CCDC15: variants seen among roughly 807,000 people sequenced by gnomAD.
CCDC15 encodes the protein coiled-coil domain-containing protein 15.
Under a neutral mutation model 114.5 loss-of-function variants are expected in CCDC15, and 105 were observed. The ratio of observed to expected loss-of-function variants is 0.92; its 90% CI spans 0.78 to 1.08. The LOEUF is 1.08. Ranked by LOEUF, CCDC15 falls within the 50% of genes least tolerant of loss-of-function variation. The pLI is 0.00. For synonymous variants in CCDC15, 334 were observed against 377.8 expected (o/e 0.88, Z 1.34); for missense variants, 1,105 against 1,093.6 (o/e 1.01, Z -0.15).
Position 125,019,140 on chromosome 11 carries a change from G to A in CCDC15, c.2411+13928G>A, listed in dbSNP as rs546560810. 3.3e-5 allele frequency among the ~76,000 whole-genome samples: 5 copies of A among 152,098 alleles called. No homozygotes were observed. The South Asian group carries it at 1.0e-3, about 31-fold the overall frequency. ...GAGCTCAGTGGCATCATGGGGATAAGATGAAATGACTGTTAGGAGGTTGTT... is the reference window on the plus strand; with the variant it reads ...GAGCTCAGTGGCATCATGGGGATAAAATGAAATGACTGTTAGGAGGTTGTT... On this transcript the variant is annotated intron_variant, in intron 13 of 15. Coordinates refer to ENST00000344762, the MANE Select transcript of CCDC15 (RefSeq NM_025004.3).
rs146292043 is a variant in CCDC15 at position 124,986,667 on chromosome 11, CTGTG to C, written c.754-55_754-52del. On this transcript the variant is annotated intron_variant, in intron 6 of 15. Transcript: ENST00000344762. ...TTCTTCCTATAATAGCTACATGGTG[CTGTG>C]TGTGTGTGTGTGTGTGTGTTTGTGT... 8,942 of 1,063,456 alleles carry C rather than the reference CTGTG, an allele frequency of 8.4e-3. 1 individual carries two copies. Among genetic ancestry groups the C allele is most frequent in the Non-Finnish European group, 9.3e-3 (7,433 of 801,584 alleles). 65.9% of individuals were successfully genotyped at this position (1,063,456 alleles called of 1,614,324 possible).
intron 13 of CCDC15, among the ~76,000 whole-genome samples, chr11:125,023,511 A>G (rs1385179740): frequency 1.3e-5 from 2 of 152,160 alleles, no homozygotes; most frequent in African/African-American, 4.8e-5. Context: ...TCTCTCAGGA[A>G]AATATACAAG....
At chr11:124,968,067 G>A (rs1380546425) in intron 4 of CCDC15, among the ~76,000 whole-genome samples, 1 of 152,140 alleles carries the variant, frequency 6.6e-6, no homozygotes, top group Non-Finnish European at 1.5e-5. Context: ...GTGTCAGTCG[G>A]TCCCTACTGG....
intron 13 of CCDC15, among the ~76,000 whole-genome samples, chr11:125,031,242 A>G (rs1407196453): frequency 6.6e-6 from 1 of 152,230 alleles, no homozygotes; most frequent in East Asian, 1.9e-4. Context: ...TGATGCCTGC[A>G]TATCGTGCAG....
Position 124,992,633 on chromosome 11 carries a change from C to T in CCDC15, c.2085C>T (p.Asp695=), listed in dbSNP as rs574420267. The T allele has an allele frequency of 5.4e-5, 87 of 1,601,422 alleles. 1 individual carries two copies. The South Asian group carries it at 6.6e-4, about 12-fold the overall frequency. The change falls in exon 10 of 16, where the codon GAC becomes GAT. Residue 695 remains aspartate, a synonymous_variant. Coordinates refer to ENST00000344762, the MANE Select transcript of CCDC15 (RefSeq NM_025004.3). The part of the protein sequence containing the change: ...EERVREELPL[D]YHQYVVPKIQ... ...GAGTGAGAGAAGAATTGCCTCTGGACTATCATCAATATGTTGTACCTAAAA... is the reference window on the plus strand; with the variant it reads ...GAGTGAGAGAAGAATTGCCTCTGGATTATCATCAATATGTTGTACCTAAAA...
intron 13 of CCDC15, among the ~76,000 whole-genome samples, chr11:125,017,872 C>T (rs2135534118): frequency 6.6e-6 from 1 of 151,962 alleles, no homozygotes; most frequent in Non-Finnish European, 1.5e-5. Flanking sequence ...ATGGAAAAAG[C>T]ATATAGGACA....
At position 124,987,577 on chromosome 11, in the gene CCDC15, C is replaced by T. The variant is rs774519685; in HGVS notation, c.1351C>T (p.Pro451Ser). 2 of 1,613,848 alleles carry T rather than the reference C, an allele frequency of 1.2e-6. No homozygotes were observed. The highest frequency in any genetic ancestry group is 1.7e-5 in the Admixed American group (1 of 60,010). ...CAAATATCAGGACCAGGACTTCCTACCCAGAGACCAGCATGTTCTCCACAA... is the reference window on the plus strand; with the variant it reads ...CAAATATCAGGACCAGGACTTCCTATCCAGAGACCAGCATGTTCTCCACAA... The part of the protein sequence containing the change: ...LLKYQDQDFL[P>S]RDQHVLHKDQ... The change falls in exon 8 of 16, where the codon CCC becomes TCC. Residue 451 changes from proline (P) to serine (S), a missense_variant. By Grantham distance (74) the Pro-to-Ser change is moderately conservative. Transcript: ENST00000344762.
Position 124,959,970 on chromosome 11 carries a change from T to C in CCDC15, c.483T>C (p.Asn161=), listed in dbSNP as rs1263904682. 6.3e-7 allele frequency: 1 copy of C among 1,575,912 alleles called. No homozygotes were observed. Residue 161 remains asparagine (N), a synonymous_variant, in exon 4 of 16, where the codon AAT becomes AAC. Coordinates refer to ENST00000344762, the MANE Select transcript of CCDC15 (RefSeq NM_025004.3). ...GGGATGGAATAGAGGATGAAGAGAATCAGAACGAATTATTCCAACAACAAG... is the reference window on the plus strand; with the variant it reads ...GGGATGGAATAGAGGATGAAGAGAACCAGAACGAATTATTCCAACAACAAG... ...MPGDGIEDEE[N]QNELFQQQAQ...
intron 1 of CCDC15, 57 bp from the exon 2 acceptor site, chr11:124,954,667 G>A (rs1340896033): frequency 6.6e-7 from 1 of 1,522,334 alleles, no homozygotes; most frequent in African/African-American, 1.4e-5. Context: ...GTGTTAGGAG[G>A]TTGAACTTTT....
At chr11:125,029,587 G>A (rs1226338558) in intron 13 of CCDC15, among the ~76,000 whole-genome samples, 1 of 152,212 alleles carries the variant, frequency 6.6e-6, no homozygotes, top group Non-Finnish European at 1.5e-5. Context: ...AACAAAAGAA[G>A]GAGGAAATAC....
In CCDC15 at chr11:124,988,094, T is replaced by C; in HGVS notation, c.1868T>C (p.Leu623Pro). 6.2e-7 allele frequency: 1 copy of C among 1,613,506 alleles called. No homozygotes were observed. Among genetic ancestry groups the C allele is most frequent in the Non-Finnish European group, 8.5e-7 (1 of 1,179,744 alleles). The change falls in exon 8 of 16, where the codon CTA becomes CCA. Residue 623 changes from leucine (L) to proline (P), a missense_variant. Physicochemically the swap from Leu to Pro is moderately conservative, Grantham distance 98. Coordinates refer to ENST00000344762, the MANE Select transcript of CCDC15 (RefSeq NM_025004.3). ...GTTCTCTCCAACGACCAGAATATTCTACCCAAATGTCAGGACCAAGATTTT... is the reference window on the plus strand; with the variant it reads ...GTTCTCTCCAACGACCAGAATATTCCACCCAAATGTCAGGACCAAGATTTT... ...LHVLSNDQNI[L>P]PKCQDQDFLP...
At chr11:124,993,289 A>G (rs1338685061) in intron 11 of CCDC15, 46 bp downstream of exon 11, 1 of 1,278,020 alleles carries the variant, frequency 7.8e-7, no homozygotes, top group Non-Finnish European at 1.1e-6. Flanking sequence ...CTAGAGAAGT[A>G]GAGCAGAATA....
intron 13 of CCDC15, chr11:125,037,586 G>GC (rs1948784577): frequency 1.3e-5 from 2 of 152,172 alleles, no homozygotes; most frequent in Admixed American, 1.3e-4. Flanking sequence ...AATTCTTAGA[G>GC]CCCATCAGGC....
chr11:124,975,698 T>G (rs1458410453), intron 5 of CCDC15, among the ~76,000 whole-genome samples: 1 of 152,092 alleles, frequency 6.6e-6, no homozygotes, highest in Non-Finnish European at 1.5e-5. Flanking sequence ...AATAAAAAGA[T>G]GGAAAGAGTT....
At chr11:124,964,570 A>G (rs1359969026) in intron 4 of CCDC15, among the ~76,000 whole-genome samples, 1 of 152,232 alleles carries the variant, frequency 6.6e-6, no homozygotes, top group Non-Finnish European at 1.5e-5. Context: ...TAAATATACA[A>G]TCATGTCATC....
intron 2 of CCDC15, among the ~76,000 whole-genome samples, chr11:124,957,876 C>T (rs1415948708): frequency 1.3e-5 from 2 of 151,986 alleles, no homozygotes; most frequent in East Asian, 1.9e-4. Flanking sequence ...GGAATAGGTA[C>T]GAGATATGAT....
intron 13 of CCDC15, among the ~76,000 whole-genome samples, chr11:125,011,083 A>G (rs1251145615): frequency 6.6e-6 from 1 of 151,994 alleles, no homozygotes; most frequent in South Asian, 2.1e-4. Flanking sequence ...TGGACCTAAA[A>G]GTTTCCTAGT....
intron 13 of CCDC15, among the ~76,000 whole-genome samples, chr11:125,014,100 G>A (rs1049265205): frequency 9.9e-5 from 15 of 152,186 alleles, no homozygotes; most frequent in African/African-American, 3.6e-4. Context: ...GACCCACTGG[G>A]TTGGGGGAGG....
chr11:124,991,835 C>T (rs535018191), intron 9 of CCDC15, among the ~76,000 whole-genome samples: 37 of 152,272 alleles, frequency 2.4e-4, no homozygotes, highest in African/African-American at 8.9e-4. Flanking sequence ...AGGCGCATGC[C>T]AGCACGCCTG....
Sources: allele counts gnomAD v4.1 joint callset (sites outside exome capture counted in the v4.1 genomes callset), GRCh38; gene constraint gnomAD v4.1.1; transcripts MANE v1.5; gene names NCBI Gene and HGNC (gene_info 2026-07-23, HGNC 2026-07-21).